Variants in RBMS1 observed in about 807,000 individuals in gnomAD.
RBMS1 encodes RNA binding motif single stranded interacting protein 1, also known as RNA-binding motif, single-stranded-interacting protein 1.
RBMS1 carries 17 observed loss-of-function variants against 62.3 expected under a neutral mutation model. The ratio of observed to expected loss-of-function variants is 0.27; its 90% CI spans 0.19 to 0.41. The LOEUF (loss-of-function observed/expected upper bound fraction) is 0.41. RBMS1 is among the 10% of genes least tolerant of loss of function. The pLI is 1.00. For missense variants in RBMS1, 334 were observed against 504.5 expected, an observed-to-expected ratio of 0.66 and a Z score of 3.24; for synonymous variants, 172 against 170.0, an observed-to-expected ratio of 1.01 and a Z score of -0.09.
intron 2 of RBMS1, among the ~76,000 whole-genome samples, chr2:160,353,788 C>A (rs570258846): frequency 6.6e-5 from 10 of 151,966 alleles, no homozygotes; most frequent in Non-Finnish European, 1.5e-4. Context: ...CATAAAAAGA[C>A]GAAATCAAGC....
chr2:160,364,545 A>G (rs542591408), intron 2 of RBMS1, among the ~76,000 whole-genome samples: 2 of 151,344 alleles, frequency 1.3e-5, no homozygotes, highest in African/African-American at 4.9e-5. Context: ...CAGGGTCATG[A>G]CTCCCTCTTT....
At chr2:160,290,526 C>T (rs142537343) in intron 6 of RBMS1, among the ~76,000 whole-genome samples, 8 of 152,248 alleles carry the variant, frequency 5.3e-5, no homozygotes, top group Non-Finnish European at 7.4e-5. Context: ...ATAACCTACC[C>T]TTAAATCAAC....
intron 3 of RBMS1, 63 bp downstream of exon 3, chr2:160,318,106 G>A: frequency 1.9e-6 from 3 of 1,564,674 alleles, no homozygotes; most frequent in Non-Finnish European, 2.6e-6. Flanking sequence ...CAAAGATCAG[G>A]TTTTAAATTC....
At chr2:160,335,349 G>C (rs1042502249) in intron 2 of RBMS1, among the ~76,000 whole-genome samples, 29 of 152,264 alleles carry the variant, frequency 1.9e-4, no homozygotes, top group South Asian at 1.7e-3. Context: ...ATGTCTGGCA[G>C]CATCCGATTC....
chr2:160,288,598 G>C (rs1688526286), intron 6 of RBMS1, among the ~76,000 whole-genome samples: 1 of 152,150 alleles, frequency 6.6e-6, no homozygotes, highest in South Asian at 2.1e-4. Flanking sequence ...GACGAGTCAG[G>C]AACAAAAATG....
chr2:160,464,730 T>C lies in RBMS1; in HGVS notation c.75+28559A>G, dbSNP rs116237516. ...ACACATTTTCTTGAGTTCATTCAAT[T>C]GCCCATTTACTTATGCATTTGACAA... On this transcript the variant is annotated intron_variant, in intron 1 of 13. Coordinates refer to ENST00000348849, the MANE Select transcript of RBMS1 (RefSeq NM_016836.4). Among the ~76,000 whole-genome samples, 1,001 of 152,364 alleles carry C rather than the reference T, an allele frequency of 6.6e-3. 5 individuals are homozygous for C. The highest frequency in any genetic ancestry group is 0.01 in the Non-Finnish European group (698 of 68,028).
At chr2:160,395,046 G>T (rs1210851585) in intron 1 of RBMS1, among the ~76,000 whole-genome samples, 2 of 152,138 alleles carry the variant, frequency 1.3e-5, no homozygotes, top group Non-Finnish European at 2.9e-5. Flanking sequence ...AACACAATTA[G>T]TAAATATTCT....
chr2:160,410,761 T>A (rs1216026877), intron 1 of RBMS1, among the ~76,000 whole-genome samples: 1 of 152,218 alleles, frequency 6.6e-6, no homozygotes, highest in Non-Finnish European at 1.5e-5. Flanking sequence ...TCTTTTTTTT[T>A]TGAGACGAAG....
chr2:160,286,927 C>G, intron 7 of RBMS1, 42 bp downstream of exon 7: 1 of 1,609,658 alleles, frequency 6.2e-7, no homozygotes, highest in South Asian at 1.1e-5. Context: ...TTCAAGATCA[C>G]ACCCCCTCCC....
At chr2:160,373,918 A>G (rs1179627798) in intron 1 of RBMS1, among the ~76,000 whole-genome samples, 1 of 152,122 alleles carries the variant, frequency 6.6e-6, no homozygotes, top group Non-Finnish European at 1.5e-5. Flanking sequence ...CAGGGGACAA[A>G]AAGGTTGAGG....
At chr2:160,322,447 CAG>C (rs1377679295) in intron 2 of RBMS1, among the ~76,000 whole-genome samples, 7 of 152,188 alleles carry the variant, frequency 4.6e-5, no homozygotes, top group Non-Finnish European at 8.8e-5. Context: ...GATAACAAGA[CAG>C]AGGATGGTGA....
chr2:160,357,960 C>G (rs1692896462), intron 2 of RBMS1, among the ~76,000 whole-genome samples: 1 of 152,110 alleles, frequency 6.6e-6, no homozygotes, highest in Non-Finnish European at 1.5e-5. Context: ...CAAAAGTCTT[C>G]AGACTACATA....
chr2:160,408,682 G>C (rs1695900818), intron 1 of RBMS1: 2 of 152,166 alleles, frequency 1.3e-5, no homozygotes, highest in Admixed American at 1.3e-4. Flanking sequence ...AGAGACAAAG[G>C]GAGGAGGGAC....
chr2:160,335,367 G>C (rs1172791442), intron 2 of RBMS1, among the ~76,000 whole-genome samples: 1 of 152,128 alleles, frequency 6.6e-6, no homozygotes, highest in Non-Finnish European at 1.5e-5. Flanking sequence ...TTCACCAATG[G>C]GCTGAGATGC....
chr2:160,417,895 T>C (rs1405981000), intron 1 of RBMS1, among the ~76,000 whole-genome samples: 1 of 152,198 alleles, frequency 6.6e-6, no homozygotes, highest in East Asian at 1.9e-4. Context: ...TCCAAGGAGA[T>C]CTGACAGTGT....
At chr2:160,400,820 G>C (rs2105231269) in intron 1 of RBMS1, among the ~76,000 whole-genome samples, 1 of 152,218 alleles carries the variant, frequency 6.6e-6, no homozygotes, top group African/African-American at 2.4e-5. Flanking sequence ...ACAGGAGTTT[G>C]CAGGAAACAA....
intron 1 of RBMS1, among the ~76,000 whole-genome samples, chr2:160,474,485 A>G (rs1685047664): frequency 1.3e-5 from 2 of 152,246 alleles, no homozygotes; most frequent in Admixed American, 1.3e-4. Flanking sequence ...AGAGAAAAAC[A>G]TCTCCGTGAA....
chr2:160,307,754 T>A (rs1241073670), intron 4 of RBMS1, among the ~76,000 whole-genome samples: 1 of 152,240 alleles, frequency 6.6e-6, no homozygotes, highest in Middle Eastern at 3.2e-3. Flanking sequence ...TTTTATTTGA[T>A]CATCAACAAA....
At chr2:160,368,219 G>C (rs1693514991) in intron 1 of RBMS1, among the ~76,000 whole-genome samples, 1 of 152,206 alleles carries the variant, frequency 6.6e-6, no homozygotes, top group African/African-American at 2.4e-5. Flanking sequence ...CTCAGCTTGA[G>C]ACAAAAGGGC....
Sources: allele counts gnomAD v4.1 joint callset (sites outside exome capture counted in the v4.1 genomes callset), GRCh38; gene constraint gnomAD v4.1.1; transcripts MANE v1.5; gene names NCBI Gene and HGNC (gene_info 2026-07-23, HGNC 2026-07-21).